Variants in RFTN2 observed in about 807,000 individuals in gnomAD.
RFTN2 encodes the protein raftlin family member 2, also known as raftlin-2.
RFTN2 carries 34 observed loss-of-function variants against 52.7 expected under a neutral mutation model. That is an observed-to-expected ratio of 0.64 (90% CI 0.49 to 0.86). The LOEUF is 0.86. Ranked by LOEUF, RFTN2 falls within the 40% of genes least tolerant of loss-of-function variation. The pLI is 0.00. For missense variants in RFTN2, 536 were observed against 600.1 expected (o/e 0.89, Z 1.12); for synonymous variants, 203 against 217.7 (o/e 0.93, Z 0.59).
intron 8 of RFTN2, among the ~76,000 whole-genome samples, chr2:197,579,392 T>C (rs1420986296): frequency 6.6e-6 from 1 of 152,190 alleles, no homozygotes; most frequent in Non-Finnish European, 1.5e-5. Context: ...TAGCCTGTGT[T>C]CTCAAGAACT....
Position 197,570,291 on chromosome 2 carries a change from C to G in RFTN2, c.*1717G>C, listed in dbSNP as rs1029162148. Reference sequence around the variant, plus strand: ...ATAGAATAAGACTGAGAAGAATATTCTTAAATTCCTTTATACTGTACTTCT... The same window carrying G: ...ATAGAATAAGACTGAGAAGAATATTGTTAAATTCCTTTATACTGTACTTCT... On this transcript the variant is annotated 3_prime_UTR_variant, in exon 9 of 9. Transcript: ENST00000295049. 3 of 152,154 alleles carry G rather than the reference C, an allele frequency of 2.0e-5. No homozygotes were observed. Among genetic ancestry groups the G allele is most frequent in the Non-Finnish European group, 2.9e-5 (2 of 68,028 alleles). 9.4% of individuals were successfully genotyped at this position (152,154 alleles called of 1,614,324 possible).
chr2:197,597,787 G>A (rs1182198523), intron 7 of RFTN2, among the ~76,000 whole-genome samples: 1 of 152,086 alleles, frequency 6.6e-6, no homozygotes, highest in Non-Finnish European at 1.5e-5. Flanking sequence ...CAAAGTGCTG[G>A]GATTACAGGT....
chr2:197,636,403 C>G, intron 3 of RFTN2, among the ~76,000 whole-genome samples: 2 of 135,526 alleles, frequency 1.5e-5, no homozygotes, highest in Non-Finnish European at 1.6e-5. Flanking sequence ...TTTGTATACT[C>G]TTTTATTTCC....
intron 1 of RFTN2, among the ~76,000 whole-genome samples, chr2:197,665,976 G>A (rs141799127): frequency 1.1e-3 from 161 of 152,090 alleles, no homozygotes; most frequent in Non-Finnish European, 6.5e-4. Flanking sequence ...GATGGTAAAT[G>A]TTGTCCTTTC....
chr2:197,648,753 G>A (rs760167308), intron 1 of RFTN2, among the ~76,000 whole-genome samples: 3 of 152,110 alleles, frequency 2.0e-5, no homozygotes, highest in African/African-American at 4.8e-5. Context: ...TTTCTCTTAC[G>A]TGTCTTGCTT....
chr2:197,590,910 G>A (rs2087699563), intron 8 of RFTN2, among the ~76,000 whole-genome samples: 1 of 152,150 alleles, frequency 6.6e-6, no homozygotes. Context: ...ATTGCAAAAA[G>A]TAAAAAAACA....
chr2:197,587,456 A>G (rs924560211), intron 8 of RFTN2, among the ~76,000 whole-genome samples: 3 of 152,160 alleles, frequency 2.0e-5, no homozygotes, highest in Non-Finnish European at 2.9e-5. Flanking sequence ...TTCCTGCCTT[A>G]ACTGAAGACA....
intron 8 of RFTN2, among the ~76,000 whole-genome samples, chr2:197,581,688 CT>C (rs2087513287): frequency 6.6e-6 from 1 of 152,200 alleles, no homozygotes; most frequent in Non-Finnish European, 1.5e-5. Flanking sequence ...TCTTCTCCAT[CT>C]GTTACCTACC....
intron 7 of RFTN2, among the ~76,000 whole-genome samples, chr2:197,608,084 T>G (rs1414120802): frequency 6.6e-6 from 1 of 152,174 alleles, no homozygotes; most frequent in Non-Finnish European, 1.5e-5. Flanking sequence ...AACCTCTCCC[T>G]CAACTGCATG....
intron 8 of RFTN2, among the ~76,000 whole-genome samples, chr2:197,594,064 G>A (rs1371207174): frequency 7.3e-6 from 1 of 136,558 alleles, no homozygotes; most frequent in Admixed American, 7.9e-5. Flanking sequence ...TTGCCAGGCT[G>A]CAGTGCAGTG....
intron 5 of RFTN2, among the ~76,000 whole-genome samples, chr2:197,622,324 A>T (rs1422956345): frequency 6.6e-6 from 1 of 152,126 alleles, no homozygotes; most frequent in Non-Finnish European, 1.5e-5. Flanking sequence ...ATTTATTTTG[A>T]GACAAGGTCT....
chr2:197,596,830 T>C (rs1278331581), intron 7 of RFTN2, among the ~76,000 whole-genome samples: 2 of 152,214 alleles, frequency 1.3e-5, no homozygotes, highest in African/African-American at 4.8e-5. Context: ...AGATTTATTT[T>C]CAGATGCTTC....
intron 3 of RFTN2, among the ~76,000 whole-genome samples, chr2:197,640,710 C>T (rs562059944): frequency 1.9e-4 from 29 of 149,632 alleles, no homozygotes; most frequent in African/African-American, 4.9e-4. Flanking sequence ...TCGCTCACGC[C>T]GGGAGCTGTA....
chr2:197,570,705 G>A lies in RFTN2; in HGVS notation c.*1303C>T, dbSNP rs376106878. ...CGACTGTGCCACTGCATTCCAGCCT[G>A]GGTGACAGAGTGAGACTCCGTCTCA... is the stretch of plus-strand genomic sequence containing the variant. On this transcript the variant is annotated 3_prime_UTR_variant, in exon 9 of 9. Coordinates refer to ENST00000295049, the MANE Select transcript of RFTN2 (RefSeq NM_144629.3). The A allele has an allele frequency of 1.3e-5, 2 of 152,310 alleles. No individual in the cohort carries two copies. Among genetic ancestry groups the A allele is most frequent in the African/African-American group, 4.8e-5 (2 of 41,566 alleles). 9.4% of individuals were successfully genotyped at this position (152,310 alleles called of 1,614,324 possible).
chr2:197,646,575 C>T lies in RFTN2; in HGVS notation c.231G>A (p.Gly77=), dbSNP rs1268144947. ...ENYYLKGYIV[G]AIHPVIQPVG... is the part of the protein sequence containing the mutation. ...CAGGTTGTATAACAGGATGAATAGC[C>T]CCGACAATATATCCTTTAAGATAAT... Residue 77 remains glycine, a synonymous_variant, in exon 2 of 9, where the codon GGG becomes GGA. Coordinates refer to ENST00000295049, the MANE Select transcript of RFTN2 (RefSeq NM_144629.3). 2.5e-6 allele frequency: 4 copies of T among 1,613,052 alleles called. No individual in the cohort carries two copies. Among genetic ancestry groups the T allele is most frequent in the South Asian group, 2.2e-5 (2 of 91,066 alleles).
chr2:197,659,225 G>C (rs113941027), intron 1 of RFTN2, among the ~76,000 whole-genome samples: 1 of 152,072 alleles, frequency 6.6e-6, no homozygotes. Context: ...TTAGGGCCAG[G>C]CATGATGGCT....
chr2:197,624,651 T>C (rs1284729235), intron 5 of RFTN2, among the ~76,000 whole-genome samples: 2 of 145,506 alleles, frequency 1.4e-5, no homozygotes, highest in African/African-American at 5.1e-5. Context: ...GCAAATTTCA[T>C]TGTATTATTT....
chr2:197,646,728 T>C, intron 1 of RFTN2, 62 bp from the exon 2 acceptor site: 1 of 1,287,164 alleles, frequency 7.8e-7, no homozygotes. Flanking sequence ...ACATTATTTC[T>C]ACCTATGGGT....
At chr2:197,674,512 ATAACT>A (rs2089190948) in intron 1 of RFTN2, among the ~76,000 whole-genome samples, 2 of 152,082 alleles carry the variant, frequency 1.3e-5, no homozygotes, top group African/African-American at 4.8e-5. Context: ...CTAATATCTG[ATAACT>A]TTAACAGCAA....
Sources: gnomAD v4.1 joint callset for allele counts (sites outside exome capture counted in the v4.1 genomes callset) on GRCh38, gnomAD v4.1.1 for gene constraint, MANE v1.5 for transcripts, NCBI Gene and HGNC (gene_info 2026-07-23, HGNC 2026-07-21) for gene names.